The following KDM3A variants were observed in gnomAD, a reference collection of about 807,000 sequenced individuals.
The protein encoded by KDM3A is lysine demethylase 3A.
Under a neutral mutation model 158.0 loss-of-function variants are expected in KDM3A, and 60 were observed. That is an observed-to-expected ratio of 0.38 (90% CI 0.31 to 0.47). KDM3A has a LOEUF of 0.47. KDM3A is among the 20% of genes least tolerant of loss of function. The probability of loss-of-function intolerance (pLI) is 0.99; values close to 1 mark genes in which losing one functional copy is unlikely to be tolerated. For synonymous variants in KDM3A, 608 were observed against 549.3 expected, an observed-to-expected ratio of 1.11 and a Z score of -1.49; for missense variants, 1,319 against 1,574.3, an observed-to-expected ratio of 0.84 and a Z score of 2.74.
chr2:86,452,738 C>T (rs58914241), intron 4 of KDM3A, among the ~76,000 whole-genome samples: 11,549 of 152,170 alleles, frequency 0.076, 911 homozygotes, highest in African/African-American at 0.2. Context: ...ATCAGGTTGC[C>T]GAGCCTGTAT....
intron 4 of KDM3A, 56 bp downstream of exon 4, chr2:86,451,269 A>G: frequency 8.7e-7 from 1 of 1,143,216 alleles, no homozygotes; most frequent in South Asian, 1.5e-5. Flanking sequence ...CTCCTTTAAC[A>G]TGAGAAGTAA....
chr2:86,474,804 C>A lies in KDM3A; in HGVS notation c.1753C>A (p.Arg585=). The change falls in exon 12 of 26, where the codon CGG becomes AGG. Residue 585 remains arginine (R), a synonymous_variant. Transcript: ENST00000312912. ...RLQFNKHGVL[R]VEGFLTPNKY... is the part of the protein sequence containing the mutation. ...ACAATTCAACAAACATGGTGTGTTGCGGGTAGAAGGCTTCTTAACACCAAA... is the reference window on the plus strand; with the variant it reads ...ACAATTCAACAAACATGGTGTGTTGAGGGTAGAAGGCTTCTTAACACCAAA... 6.3e-7 allele frequency: 1 copy of A among 1,583,140 alleles called. No individual in the cohort carries two copies. The highest frequency in any genetic ancestry group is 1.1e-5 in the South Asian group (1 of 90,590).
In KDM3A at chr2:86,474,399, A is replaced by G. The variant is rs762063139; in HGVS notation, c.1725-377A>G. 1.2e-3 allele frequency among the ~76,000 whole-genome samples: 178 copies of G among 151,952 alleles called. 2 individuals are homozygous for G. The highest frequency in any genetic ancestry group is 3.9e-4 in the East Asian group (2 of 5,102). ...AAGTTGTGGATGGGCACGGTGGCTCATGCCTGTAGTCCCAGCACTTTGGGA... is the reference window on the plus strand; with the variant it reads ...AAGTTGTGGATGGGCACGGTGGCTCGTGCCTGTAGTCCCAGCACTTTGGGA... On this transcript the variant is annotated intron_variant, in intron 11 of 25. Coordinates refer to ENST00000312912, the MANE Select transcript of KDM3A (RefSeq NM_018433.6).
intron 2 of KDM3A, among the ~76,000 whole-genome samples, chr2:86,446,753 A>C (rs550872484): frequency 3.9e-5 from 6 of 152,184 alleles, no homozygotes; most frequent in South Asian, 2.1e-4. Context: ...TCCACAGAAG[A>C]AGCTTTTTTG....
Position 86,477,986 on chromosome 2 carries a change from A to G in KDM3A, c.2049A>G (p.Val683=). The change falls in exon 13 of 26, where the codon GTA becomes GTG. Residue 683 remains valine, a synonymous_variant. Transcript: ENST00000312912. ...TGTGTCCTCGGTGTGGGTTTGGAGT[A>G]TGTGTGGACTGCTACCGGATGAAGA... ...HWVCPRCGFG[V]CVDCYRMKRK... is the part of the protein sequence containing the mutation. The G allele has an allele frequency of 6.2e-7, 1 of 1,614,150 alleles. No individual in the cohort carries two copies. The highest frequency in any genetic ancestry group is 1.1e-5 in the South Asian group (1 of 91,082).
At chr2:86,472,790 A>G (rs1288878826) in intron 11 of KDM3A, among the ~76,000 whole-genome samples, 2 of 152,150 alleles carry the variant, frequency 1.3e-5, no homozygotes, top group African/African-American at 4.8e-5. Context: ...GTTGACCCCA[A>G]CTTACCTCTG....
At chr2:86,452,741 G>A (rs921461222) in intron 4 of KDM3A, among the ~76,000 whole-genome samples, 1 of 152,210 alleles carries the variant, frequency 6.6e-6, no homozygotes, top group African/African-American at 2.4e-5. Context: ...AGGTTGCCGA[G>A]CCTGTATCGG....
intron 8 of KDM3A, among the ~76,000 whole-genome samples, chr2:86,462,957 G>A (rs1350241054): frequency 6.6e-6 from 1 of 152,096 alleles, no homozygotes; most frequent in Non-Finnish European, 1.5e-5. Context: ...CGAGCATGGT[G>A]GTACATGCCT....
intron 5 of KDM3A, among the ~76,000 whole-genome samples, chr2:86,455,915 T>C (rs2104642160): frequency 7.1e-6 from 1 of 141,022 alleles, no homozygotes; most frequent in African/African-American, 2.7e-5. Context: ...CTGATTACAC[T>C]GCTACACTCC....
rs1673167280 is a variant in KDM3A, at chr2:86,466,690, T to C, written c.1326T>C (p.His442=). ...NPPELQKHLE[H]APSPSDVSNA... The stretch of plus-strand genomic sequence containing the variant: ...CTGAACTGCAGAAGCACCTAGAACA[T>C]GCACCTTCCCCATCGGATGTTTCAA... The change falls in exon 10 of 26, where the codon CAT becomes CAC. Residue 442 remains histidine, a synonymous_variant. Transcript: ENST00000312912. 1 of 1,613,898 alleles carries C rather than the reference T, an allele frequency of 6.2e-7. No individual in the cohort carries two copies. Among genetic ancestry groups the C allele is most frequent in the African/African-American group, 1.3e-5 (1 of 75,026 alleles).
rs1027350809 is a variant in KDM3A at position 86,459,251 on chromosome 2, A to G, written c.843+2180A>G. Among the ~76,000 whole-genome samples the G allele has an allele frequency of 3.0e-4, 46 of 152,202 alleles. 1 individual carries two copies. The highest frequency in any genetic ancestry group is 1.0e-3 in the African/African-American group (42 of 41,448). On this transcript the variant is annotated intron_variant, in intron 8 of 25. Transcript: ENST00000312912. ...AAGGCTCTGGGTAATTAATGTGGCC[A>G]GGACTACACAGAGGATGTCAAGCTC...
chr2:86,455,028 A>G, intron 4 of KDM3A, 57 bp from the exon 5 acceptor site: 1 of 1,038,098 alleles, frequency 9.6e-7, no homozygotes, highest in African/African-American at 1.6e-5. Context: ...ACTGGAATTT[A>G]AATAACTCTT....
At chr2:86,459,262 G>A (rs780222978) in intron 8 of KDM3A, among the ~76,000 whole-genome samples, 1 of 152,180 alleles carries the variant, frequency 6.6e-6, no homozygotes, top group Non-Finnish European at 1.5e-5. Context: ...GGACTACACA[G>A]AGGATGTCAA....
chr2:86,440,237 A>G (rs1682619443), upstream of KDM3A, among the ~76,000 whole-genome samples: 1 of 152,214 alleles, frequency 6.6e-6, no homozygotes, highest in African/African-American at 2.4e-5. Flanking sequence ...ATGTATATTG[A>G]AAATCAACAT....
chr2:86,463,197 T>C (rs1287024090), intron 8 of KDM3A, among the ~76,000 whole-genome samples: 1 of 152,204 alleles, frequency 6.6e-6, no homozygotes, highest in Non-Finnish European at 1.5e-5. Flanking sequence ...AGTTTAGATT[T>C]GGTGGTAAGG....
chr2:86,485,695 C>CG, intron 20 of KDM3A, 34 bp from the exon 21 acceptor site: 1 of 1,606,928 alleles, frequency 6.2e-7, no homozygotes, highest in Non-Finnish European at 8.5e-7. Context: ...GAAAAGCAAT[C>CG]TAACTTTGCA....
intron 8 of KDM3A, among the ~76,000 whole-genome samples, chr2:86,457,784 A>G (rs1216270683): frequency 6.6e-6 from 1 of 152,286 alleles, no homozygotes; most frequent in Non-Finnish European, 1.5e-5. Flanking sequence ...GGGTAAACAA[A>G]TGTATTTCAA....
chr2:86,484,955 T>C lies in KDM3A; in HGVS notation c.3108T>C (p.Asn1036=). The change falls in exon 20 of 26, where the codon AAT becomes AAC. Residue 1036 remains asparagine, a synonymous_variant. Coordinates refer to ENST00000312912, the MANE Select transcript of KDM3A (RefSeq NM_018433.6). The part of the protein sequence containing the change: ...GFEDVPNRLK[N]EKEPMVLKLK... ...TTTACCTTTCAGATCGTTTGAAAAA[T>C]GAAAAAGAACCAATGGTGTTGAAAC... 1 of 1,604,598 alleles carries C rather than the reference T, an allele frequency of 6.2e-7. No homozygotes were observed. Among genetic ancestry groups the C allele is most frequent in the Non-Finnish European group, 8.5e-7 (1 of 1,171,710 alleles).
intron 2 of KDM3A, among the ~76,000 whole-genome samples, chr2:86,443,764 C>T (rs1394047006): frequency 6.6e-6 from 1 of 152,158 alleles, no homozygotes; most frequent in African/African-American, 2.4e-5. Context: ...CTGCATTCGG[C>T]TCATTCTCCT....
Sources: gnomAD v4.1 joint callset for allele counts (sites outside exome capture counted in the v4.1 genomes callset) on GRCh38, gnomAD v4.1.1 for gene constraint, MANE v1.5 for transcripts, NCBI Gene and HGNC (gene_info 2026-07-23, HGNC 2026-07-21) for gene names.